Variants in CCDC171 observed in about 807,000 individuals in gnomAD.
The protein encoded by CCDC171 is coiled-coil domain containing 171, also known as coiled-coil domain-containing protein 171.
A neutral mutation model predicts 168.2 loss-of-function variants in CCDC171; 177 were observed. The observed-to-expected ratio is 1.05, with a 90% CI of 0.93 to 1.19. The LOEUF is 1.19. Ranked by LOEUF, CCDC171 falls within the 50% of genes most tolerant of loss-of-function variation. The pLI, the probability that CCDC171 is intolerant of heterozygous loss-of-function variation, is 0.00. For missense variants in CCDC171, 1,991 were observed against 1,539.0 expected, an observed-to-expected ratio of 1.29 and a Z score of -4.91; for synonymous variants, 687 against 540.8, an observed-to-expected ratio of 1.27 and a Z score of -3.75.
chr9:15,949,514 C>T (rs561651154), intron 25 of CCDC171, among the ~76,000 whole-genome samples: 1 of 151,992 alleles, frequency 6.6e-6, no homozygotes, highest in African/African-American at 2.4e-5. Flanking sequence ...GTGGTTTGTA[C>T]TTCTCCTTGA....
chr9:15,610,361 C>A (rs1002345706), intron 6 of CCDC171, among the ~76,000 whole-genome samples: 8 of 142,198 alleles, frequency 5.6e-5, no homozygotes, highest in Non-Finnish European at 9.0e-5. Flanking sequence ...AATCCCAGCA[C>A]TTTGGGAGGC....
chr9:15,688,662 A>G (rs1450342117), intron 10 of CCDC171, among the ~76,000 whole-genome samples: 1 of 152,190 alleles, frequency 6.6e-6, no homozygotes, highest in Admixed American at 6.5e-5. Context: ...CTTTTATGAT[A>G]AAAATGCTCA....
chr9:15,997,364 C>T (rs980471464), intron 3 of CCDC171, among the ~76,000 whole-genome samples: 1 of 152,214 alleles, frequency 6.6e-6, no homozygotes, highest in African/African-American at 2.4e-5. Flanking sequence ...ATGGCCCCAG[C>T]TCCTACACTT....
At chr9:15,741,735 C>T (rs953881046) in intron 16 of CCDC171, among the ~76,000 whole-genome samples, 3 of 152,010 alleles carry the variant, frequency 2.0e-5, no homozygotes, top group African/African-American at 7.2e-5. Context: ...TTTACTTCTT[C>T]TTTGCCAATT....
At chr9:15,995,872 T>C (rs569843871) in intron 3 of CCDC171, among the ~76,000 whole-genome samples, 1 of 152,342 alleles carries the variant, frequency 6.6e-6, no homozygotes, top group Admixed American at 6.5e-5. Context: ...TATTCACTGC[T>C]ATGGGGTAGA....
At chr9:15,768,973 T>C (rs1368247661) in intron 18 of CCDC171, among the ~76,000 whole-genome samples, 1 of 152,178 alleles carries the variant, frequency 6.6e-6, no homozygotes, top group East Asian at 1.9e-4. Flanking sequence ...GTTTGTACAG[T>C]CTCACCTCCC....
intron 6 of CCDC171, among the ~76,000 whole-genome samples, chr9:15,606,314 C>A (rs778690365): frequency 9.2e-5 from 14 of 152,158 alleles, no homozygotes; most frequent in Non-Finnish European, 1.9e-4. Flanking sequence ...CACTAACATT[C>A]TTGTCCATAT....
At position 15,878,449 on chromosome 9, in the gene CCDC171, A is replaced by G. The variant is rs184893317; in HGVS notation, c.3600+3786A>G. On this transcript the variant is annotated intron_variant, in intron 24 of 25. Transcript: ENST00000380701. ...TGAGATACCATCTCACACCAGTCAA[A>G]ATGGCTATTATTAAAAAGTCAAAAA... 2.6e-5 allele frequency among the ~76,000 whole-genome samples: 4 copies of G among 152,306 alleles called. No individual in the cohort carries two copies. The East Asian group carries it at 7.7e-4, about 29-fold the overall frequency.
rs570755731 is a variant in CCDC171 at position 16,027,990 on chromosome 9, A to G, written n.998+5082A>G. On this transcript the variant is annotated intron_variant and non_coding_transcript_variant, in intron 6 of 9. Transcript: ENST00000486641. ...AGGTGTAAGGGGTTCTGGGCAGAGT[A>G]ATGGTATACTTAGCTTATCCCTTCA... is the stretch of plus-strand genomic sequence containing the variant. Among the ~76,000 whole-genome samples the G allele has an allele frequency of 1.6e-4, 25 of 152,272 alleles. 1 individual carries two copies. The highest frequency in any genetic ancestry group is 6.8e-3 in the Middle Eastern group (2 of 294).
At chr9:15,577,102 C>G (rs1482906102) in intron 3 of CCDC171, among the ~76,000 whole-genome samples, 1 of 152,204 alleles carries the variant, frequency 6.6e-6, no homozygotes, top group East Asian at 1.9e-4. Flanking sequence ...AGCATCTTAA[C>G]AGAAGAAACC....
At chr9:15,788,271 C>T (rs1460377013) in intron 21 of CCDC171, among the ~76,000 whole-genome samples, 2 of 152,006 alleles carry the variant, frequency 1.3e-5, no homozygotes, top group Non-Finnish European at 2.9e-5. Context: ...TCCTCTTCTG[C>T]AGAAATAAGG....
chr9:15,560,979 G>C (rs751322659), intron 1 of CCDC171, among the ~76,000 whole-genome samples: 9 of 152,152 alleles, frequency 5.9e-5, no homozygotes, highest in Non-Finnish European at 1.0e-4. Flanking sequence ...GTTGGAGTTT[G>C]CTGGAGGTGC....
chr9:15,730,027 A>T, intron 16 of CCDC171, among the ~76,000 whole-genome samples: 1 of 152,058 alleles, frequency 6.6e-6, no homozygotes. Context: ...TGGGTTTCTG[A>T]TTAAAATATC....
chr9:15,649,429 A>T (rs1480834006), intron 7 of CCDC171, among the ~76,000 whole-genome samples: 4 of 152,374 alleles, frequency 2.6e-5, no homozygotes, highest in Admixed American at 2.6e-4. Context: ...GCTCCTGCAC[A>T]GCAAAAGAAG....
intron 11 of CCDC171, among the ~76,000 whole-genome samples, chr9:15,712,048 G>C (rs1336760573): frequency 6.6e-6 from 1 of 152,190 alleles, no homozygotes; most frequent in Non-Finnish European, 1.5e-5. Context: ...TGTAAGCTCT[G>C]GCAGGAGTCT....
rs543268751 is a variant in CCDC171 at position 15,728,080 on chromosome 9, C to G, written c.1860+44C>G. The G allele has an allele frequency of 1.0e-5, 15 of 1,437,068 alleles. No homozygotes were observed. The South Asian group carries it at 1.9e-4, about 19-fold the overall frequency. The allele number at this position is 1,437,068 out of a possible 1,614,324, so 89.0% of individuals were successfully genotyped here. ...CAGATACCTCTATTAAATTCAGTGA[C>G]ATTTGTCCACATCACAGTATCATTA... On this transcript the variant is annotated intron_variant, in intron 15 of 25. Coordinates refer to ENST00000380701, the MANE Select transcript of CCDC171 (RefSeq NM_173550.4).
chr9:15,764,861 T>G (rs931082849), intron 18 of CCDC171, among the ~76,000 whole-genome samples: 1 of 152,208 alleles, frequency 6.6e-6, no homozygotes, highest in Non-Finnish European at 1.5e-5. Flanking sequence ...ACCCAGATTT[T>G]GGCTGGGGTG....
chr9:15,813,676 T>C (rs2059448814), intron 21 of CCDC171, among the ~76,000 whole-genome samples: 1 of 151,992 alleles, frequency 6.6e-6, no homozygotes, highest in Non-Finnish European at 1.5e-5. Flanking sequence ...GTCTTTTTGT[T>C]CCAGAACATG....
rs773643166 is a variant in CCDC171 at position 15,779,064 on chromosome 9, G to T, written c.2995G>T (p.Glu999Ter). 4.4e-6 allele frequency: 7 copies of T among 1,605,258 alleles called. No individual in the cohort carries two copies. The highest frequency in any genetic ancestry group is 4.0e-5 in the African/African-American group (3 of 74,666). Residue 999 changes from glutamate (E) to a stop codon, truncating the protein, a stop_gained, in exon 20 of 26, where the codon GAA becomes TAA. Transcript: ENST00000380701. LOFTEE classifies it high-confidence loss of function. ...CCGCTCACTACGCTTAGAGGTCACAGAATTCAAACGAAGTGTGAATGAAAT... is the reference window on the plus strand; with the variant it reads ...CCGCTCACTACGCTTAGAGGTCACATAATTCAAACGAAGTGTGAATGAAAT... ...ERRSLRLEVTEFKRSVNEMKK... is the reference protein window; with the variant it reads ...ERRSLRLEVT
Sources: allele counts gnomAD v4.1 joint callset (sites outside exome capture counted in the v4.1 genomes callset), GRCh38; gene constraint gnomAD v4.1.1; transcripts MANE v1.5; gene names NCBI Gene and HGNC (gene_info 2026-07-23, HGNC 2026-07-21).